Variants in EXOC4 observed in about 807,000 individuals in gnomAD.
The protein encoded by EXOC4 is exocyst complex component 4, also known as SEC8-like 1.
In EXOC4, 71 loss-of-function variants were observed where a neutral mutation model predicts 107.2. The ratio of observed to expected loss-of-function variants is 0.66; its 90% confidence interval spans 0.55 to 0.81. The LOEUF (loss-of-function observed/expected upper bound fraction) is 0.81, where lower values mean the gene tolerates loss of function less well. Among genes scored for constraint, EXOC4 ranks in the 30% least tolerant of loss-of-function variants. The pLI is 0.00. For synonymous variants in EXOC4, 456 were observed against 441.2 expected (o/e 1.03, Z -0.42); for missense variants, 1,108 against 1,189.6 (o/e 0.93, Z 1.01).
rs72372012 is a variant in EXOC4 at position 134,056,489 on chromosome 7, CCTGATCAATATTTATAA to C, written c.2688-7801_2688-7785del. 2.3e-3 allele frequency among the ~76,000 whole-genome samples: 348 copies of C among 152,282 alleles called. 1 individual carries two copies. The highest frequency in any genetic ancestry group is 7.9e-3 in the African/African-American group (330 of 41,570). ...CTTGGCAAGTGCAAACAGAAATGTG[CCTGATCAATATTTATAA>C]AAACCTTCAAAATGGGAGAAGGAGT... On this transcript the variant is annotated intron_variant, in intron 17 of 17. Coordinates refer to ENST00000253861, the MANE Select transcript of EXOC4 (RefSeq NM_021807.4).
At chr7:133,868,180 G>T (rs1798681095) in intron 11 of EXOC4, among the ~76,000 whole-genome samples, 3 of 152,026 alleles carry the variant, frequency 2.0e-5, no homozygotes, top group African/African-American at 7.2e-5. Context: ...CTTGAGCTAG[G>T]GTCATAGAAC....
At chr7:133,781,082 G>T (rs1796456322) in intron 10 of EXOC4, among the ~76,000 whole-genome samples, 1 of 152,146 alleles carries the variant, frequency 6.6e-6, no homozygotes, top group Non-Finnish European at 1.5e-5. Flanking sequence ...CTGTGTTCCT[G>T]CCAACACTTT....
chr7:133,775,746 T>C (rs2151167086), intron 10 of EXOC4, among the ~76,000 whole-genome samples: 1 of 152,316 alleles, frequency 6.6e-6, no homozygotes, highest in South Asian at 2.1e-4. Flanking sequence ...ACTTTTCTAT[T>C]GCACATCCTA....
chr7:133,327,066 A>G (rs2150597423), intron 5 of EXOC4, among the ~76,000 whole-genome samples: 1 of 152,236 alleles, frequency 6.6e-6, no homozygotes, highest in South Asian at 2.1e-4. Flanking sequence ...AAAGCGCAGT[A>G]TTAGGGTGGG....
chr7:134,030,970 G>T (rs968519860), intron 17 of EXOC4, among the ~76,000 whole-genome samples: 2 of 151,782 alleles, frequency 1.3e-5, no homozygotes, highest in Non-Finnish European at 2.9e-5. Flanking sequence ...ATACAACACG[G>T]GTAAACCTCA....
intron 9 of EXOC4, among the ~76,000 whole-genome samples, chr7:133,508,620 GAA>G (rs1248901876): frequency 6.6e-6 from 1 of 152,170 alleles, no homozygotes; most frequent in African/African-American, 2.4e-5. Context: ...AGAGCAATTT[GAA>G]AAGAGACATT....
rs1237520022 is a variant in EXOC4 at position 133,817,422 on chromosome 7, A to C, written c.1612A>C (p.Asn538His). ...CGTGTACATCAAAAACATCTTTCTCAATCAAGTCTTGGCTGAGATCAACAA... is the reference window on the plus strand; with the variant it reads ...CGTGTACATCAAAAACATCTTTCTCCATCAAGTCTTGGCTGAGATCAACAA... Reference protein sequence around the residue: ...LTVYIKNIFLNQVLAEINKEI... With the variant: ...LTVYIKNIFLHQVLAEINKEI... Residue 538 changes from asparagine to histidine, a missense_variant, in exon 11 of 18, where the codon AAT becomes CAT. By Grantham distance (68) the Asn-to-His change is moderately conservative. Transcript: ENST00000253861. 6.2e-7 allele frequency: 1 copy of C among 1,614,042 alleles called. No homozygotes were observed. Among genetic ancestry groups the C allele is most frequent in the Non-Finnish European group, 8.5e-7 (1 of 1,179,950 alleles).
chr7:133,264,094 GAAGT>G (rs1793653788), intron 1 of EXOC4, among the ~76,000 whole-genome samples: 1 of 152,222 alleles, frequency 6.6e-6, no homozygotes, highest in Non-Finnish European at 1.5e-5. Flanking sequence ...AGAGTTGGGT[GAAGT>G]AAGAGTAGGG....
chr7:133,522,019 T>G (rs2150911283), intron 9 of EXOC4, among the ~76,000 whole-genome samples: 1 of 152,288 alleles, frequency 6.6e-6, no homozygotes, highest in South Asian at 2.1e-4. Context: ...GAGTAGTTTA[T>G]GACTCCTGTT....
In EXOC4 at chr7:133,374,863, A is replaced by G; in HGVS notation, c.1043A>G (p.Lys348Arg). The G allele has an allele frequency of 1.9e-6, 3 of 1,613,670 alleles. No individual in the cohort carries two copies. The highest frequency in any genetic ancestry group is 2.5e-6 in the Non-Finnish European group (3 of 1,179,720). The change falls in exon 7 of 18, where the codon AAG (lysine) becomes AGG (arginine). Residue 348 changes from lysine to arginine, a missense_variant. Physicochemically the swap from Lys to Arg is conservative, Grantham distance 26. Coordinates refer to ENST00000253861, the MANE Select transcript of EXOC4 (RefSeq NM_021807.4). ...LLELLELLFD[K>R]FNAVAAAHSV... Reference sequence around the variant, plus strand: ...GAACTGCTGGAGTTACTGTTTGACAAGTTTAATGCTGTAGCCGCTGCACAC... The same window carrying G: ...GAACTGCTGGAGTTACTGTTTGACAGGTTTAATGCTGTAGCCGCTGCACAC...
chr7:133,673,675 C>T (rs780250188), intron 10 of EXOC4, among the ~76,000 whole-genome samples: 36 of 152,306 alleles, frequency 2.4e-4, no homozygotes, highest in South Asian at 6.2e-4. Flanking sequence ...TGAGCTATTA[C>T]GTTAGCATAG....
chr7:133,626,592 G>A (rs1802461879), intron 9 of EXOC4, among the ~76,000 whole-genome samples: 1 of 152,082 alleles, frequency 6.6e-6, no homozygotes, highest in African/African-American at 2.4e-5. Flanking sequence ...TCATATTTCT[G>A]CCCGAACTTT....
intron 7 of EXOC4, among the ~76,000 whole-genome samples, chr7:133,379,624 G>A (rs1796568900): frequency 6.6e-6 from 1 of 151,710 alleles, no homozygotes; most frequent in African/African-American, 2.4e-5. Flanking sequence ...TTATGGCAAG[G>A]TCATAAAATA....
At chr7:133,557,320 C>G (rs1179668811) in intron 9 of EXOC4, among the ~76,000 whole-genome samples, 2 of 151,518 alleles carry the variant, frequency 1.3e-5, no homozygotes, top group Admixed American at 1.3e-4. Context: ...TTTTCATTCA[C>G]TATACTCTAT....
chr7:133,585,454 C>T (rs1470388204), intron 9 of EXOC4, among the ~76,000 whole-genome samples: 1 of 151,986 alleles, frequency 6.6e-6, no homozygotes, highest in East Asian at 1.9e-4. Flanking sequence ...CAGCAGTGAA[C>T]AAAATGAACA....
chr7:133,670,142 A>C (rs1793913839), intron 10 of EXOC4, among the ~76,000 whole-genome samples: 1 of 152,164 alleles, frequency 6.6e-6, no homozygotes, highest in Non-Finnish European at 1.5e-5. Context: ...TCGTTTAAAG[A>C]TTGGTGCCTA....
intron 6 of EXOC4, among the ~76,000 whole-genome samples, chr7:133,374,311 G>GT (rs899153743): frequency 2.3e-4 from 35 of 149,162 alleles, no homozygotes; most frequent in Non-Finnish European, 2.8e-4. Context: ...GCAGGTGTAT[G>GT]TTTTTTTTTT....
intron 7 of EXOC4, among the ~76,000 whole-genome samples, chr7:133,433,003 T>G (rs1438241193): frequency 6.6e-6 from 1 of 152,226 alleles, no homozygotes; most frequent in Non-Finnish European, 1.5e-5. Context: ...CATGTCCGTT[T>G]ATACGATATA....
intron 11 of EXOC4, among the ~76,000 whole-genome samples, chr7:133,887,980 G>A (rs1408206879): frequency 1.3e-5 from 2 of 152,116 alleles, no homozygotes; most frequent in Non-Finnish European, 2.9e-5. Flanking sequence ...AATCAATACA[G>A]AAAAGGAAGT....
Sources: allele counts gnomAD v4.1 joint callset (sites outside exome capture counted in the v4.1 genomes callset), GRCh38; gene constraint gnomAD v4.1.1; transcripts MANE v1.5; gene names NCBI Gene and HGNC (gene_info 2026-07-23, HGNC 2026-07-21).